WWOX: variants seen among roughly 807,000 people sequenced by gnomAD.
WWOX encodes the protein WW domain containing oxidoreductase.
WWOX carries 69 observed loss-of-function variants against 46.2 expected under a neutral mutation model. The ratio of observed to expected loss-of-function variants is 1.49; its 90% CI spans 1.23 to 1.82. WWOX has a LOEUF of 1.82. WWOX is among the 40% of genes most tolerant of loss of function. The pLI is 0.00. For synonymous variants in WWOX, 359 were observed against 202.6 expected (o/e 1.77, Z -6.56); for missense variants, 919 against 542.6 (o/e 1.69, Z -6.89).
intron 8 of WWOX, among the ~76,000 whole-genome samples, chr16:78,974,734 C>G (rs1201413342): frequency 6.6e-6 from 1 of 152,122 alleles, no homozygotes; most frequent in Non-Finnish European, 1.5e-5. Flanking sequence ...CCCCAAGACC[C>G]ACACTTGGTC....
intron 5 of WWOX, among the ~76,000 whole-genome samples, chr16:78,169,760 A>G (rs1444907496): frequency 6.6e-6 from 1 of 152,112 alleles, no homozygotes; most frequent in Admixed American, 6.6e-5. Context: ...CGTTGTTTGC[A>G]GGAGGAAAAG....
intron 5 of WWOX, among the ~76,000 whole-genome samples, chr16:78,254,201 C>T (rs1353117754): frequency 1.3e-5 from 2 of 150,784 alleles, no homozygotes; most frequent in African/African-American, 4.9e-5. Context: ...GGTGGGACTA[C>T]AGGTATTCAC....
intron 8 of WWOX, among the ~76,000 whole-genome samples, chr16:78,892,547 G>C (rs115198507): frequency 6.6e-6 from 1 of 152,214 alleles, no homozygotes; most frequent in African/African-American, 2.4e-5. Flanking sequence ...CAACATTCTT[G>C]TTCAGAGCGT....
intron 5 of WWOX, among the ~76,000 whole-genome samples, chr16:78,362,470 G>A (rs9928454): frequency 0.22 from 33,085 of 151,874 alleles, 5,167 homozygotes; most frequent in African/African-American, 0.44. Context: ...ATTAACAGGC[G>A]TGGTGGCAGG....
Position 78,394,221 on chromosome 16 carries a change from G to C in WWOX, c.605+7273G>C, listed in dbSNP as rs551366962. ...GCTCAATATGAGAAATCCATTTTTG[G>C]TTTGCCTAACAGAAGATCATCTTGC... On this transcript the variant is annotated intron_variant, in intron 6 of 8. Coordinates refer to ENST00000566780, the MANE Select transcript of WWOX (RefSeq NM_016373.4). Among the ~76,000 whole-genome samples, 312 of 152,180 alleles carry C rather than the reference G, an allele frequency of 2.1e-3. 2 individuals carry two copies. The highest frequency in any genetic ancestry group is 7.2e-3 in the African/African-American group (300 of 41,548).
chr16:78,336,305 C>G (rs1277734796), intron 5 of WWOX, among the ~76,000 whole-genome samples: 4 of 141,820 alleles, frequency 2.8e-5, no homozygotes, highest in Non-Finnish European at 6.1e-5. Flanking sequence ...AAACCCCATC[C>G]CTACTAAAAA....
intron 8 of WWOX, among the ~76,000 whole-genome samples, chr16:78,983,167 A>T (rs2046716501): frequency 6.6e-6 from 1 of 152,210 alleles, no homozygotes; most frequent in Non-Finnish European, 1.5e-5. Flanking sequence ...ATCGTTAGGA[A>T]TTCCTTCATA....
chr16:79,072,570 A>C (rs1332697374), intron 8 of WWOX, among the ~76,000 whole-genome samples: 3 of 152,166 alleles, frequency 2.0e-5, no homozygotes, highest in Non-Finnish European at 2.9e-5. Flanking sequence ...TCTGCAGTTG[A>C]CGTTTTTATT....
chr16:78,553,527 G>A (rs74029550), intron 8 of WWOX, among the ~76,000 whole-genome samples: 8,200 of 152,104 alleles, frequency 0.054, 294 homozygotes, highest in African/African-American at 0.09. Flanking sequence ...TTGAACTGTG[G>A]TTACCAGTGA....
intron 8 of WWOX, among the ~76,000 whole-genome samples, chr16:78,732,321 C>A (rs1020443532): frequency 1.3e-5 from 2 of 152,078 alleles, no homozygotes; most frequent in Admixed American, 1.3e-4. Context: ...ATTTGGCCAC[C>A]ATGCCATGAG....
At chr16:78,744,251 C>G (rs558142557) in intron 8 of WWOX, among the ~76,000 whole-genome samples, 1 of 152,022 alleles carries the variant, frequency 6.6e-6, no homozygotes, top group Non-Finnish European at 1.5e-5. Context: ...ATATAGTAAG[C>G]TGAAGGCACA....
intron 6 of WWOX, among the ~76,000 whole-genome samples, chr16:78,391,873 G>A (rs7192435): frequency 0.59 from 89,538 of 151,898 alleles, 28,710 homozygotes; most frequent in Non-Finnish European, 0.74. Flanking sequence ...AAAAAACAAC[G>A]TAAAACAAGA....
At chr16:78,902,350 A>C (rs1205733882) in intron 8 of WWOX, among the ~76,000 whole-genome samples, 1 of 152,228 alleles carries the variant, frequency 6.6e-6, no homozygotes, top group Non-Finnish European at 1.5e-5. Flanking sequence ...TATTATTCCC[A>C]GGGTAAAGAG....
chr16:78,786,185 C>A (rs762736391), intron 8 of WWOX, among the ~76,000 whole-genome samples: 6 of 152,242 alleles, frequency 3.9e-5, no homozygotes, highest in Non-Finnish European at 8.8e-5. Flanking sequence ...GCTGGGATTA[C>A]AGGCGTGAGC....
intron 6 of WWOX, among the ~76,000 whole-genome samples, chr16:78,423,017 C>T (rs936785989): frequency 6.6e-6 from 1 of 151,762 alleles, no homozygotes; most frequent in African/African-American, 2.4e-5. Flanking sequence ...TCCCAAGTAG[C>T]TGGGATTACA....
At chr16:78,976,653 T>C (rs544008617) in intron 8 of WWOX, among the ~76,000 whole-genome samples, 20 of 152,292 alleles carry the variant, frequency 1.3e-4, no homozygotes, top group African/African-American at 4.6e-4. Flanking sequence ...ATCTCTTGGA[T>C]TAATGTGACG....
chr16:79,182,586 G>C (rs948206237), intron 8 of WWOX, among the ~76,000 whole-genome samples: 28 of 152,088 alleles, frequency 1.8e-4, no homozygotes, highest in Admixed American at 1.6e-3. Context: ...TTTTAAAGTA[G>C]AATATCAGGG....
At chr16:78,395,322 C>T (rs1262958007) in intron 6 of WWOX, among the ~76,000 whole-genome samples, 1 of 152,102 alleles carries the variant, frequency 6.6e-6, no homozygotes, top group Admixed American at 6.6e-5. Context: ...AGTTTGAGAC[C>T]AGCCTCGGTA....
chr16:79,122,052 C>T (rs140046823), intron 8 of WWOX, among the ~76,000 whole-genome samples: 39 of 152,264 alleles, frequency 2.6e-4, no homozygotes, highest in Non-Finnish European at 4.3e-4. Context: ...TGGGTCCCAG[C>T]TGTGCACACG....
Sources: gnomAD v4.1 joint callset for allele counts (sites outside exome capture counted in the v4.1 genomes callset) on GRCh38, gnomAD v4.1.1 for gene constraint, MANE v1.5 for transcripts, NCBI Gene and HGNC (gene_info 2026-07-23, HGNC 2026-07-21) for gene names.